The following NOL7 variants were observed in gnomAD, a reference collection of about 807,000 sequenced individuals.
The protein encoded by NOL7 is nucleolar protein 7.
In NOL7, 36 loss-of-function variants were observed where a neutral mutation model predicts 38.4. The observed-to-expected ratio is 0.94, with a 90% confidence interval of 0.72 to 1.24. NOL7 has a LOEUF of 1.24. Among genes scored for constraint, NOL7 ranks in the 50% most tolerant of loss-of-function variants. The pLI is 0.00. For missense variants in NOL7, 350 were observed against 315.1 expected (o/e 1.11, Z -0.84); for synonymous variants, 142 against 126.5 (o/e 1.12, Z -0.82).
rs1291620022 is a variant in NOL7 at position 13,620,189 on chromosome 6, C to G, written c.501-19C>G. The G allele has an allele frequency of 6.3e-7, 1 of 1,597,404 alleles. No individual in the cohort carries two copies. Among genetic ancestry groups the G allele is most frequent in the Non-Finnish European group, 8.5e-7 (1 of 1,175,566 alleles). ...TAAGCATGTGTAATTCTTATTTAAC[C>G]TTTTATATTGATCAACAGCCAGAAT... On this transcript the variant is annotated intron_variant, in intron 5 of 7. Coordinates refer to ENST00000451315, the MANE Select transcript of NOL7 (RefSeq NM_016167.5).
chr6:13,624,654 A>C (rs139358486), downstream of NOL7, among the ~76,000 whole-genome samples: 1 of 152,238 alleles, frequency 6.6e-6, no homozygotes, highest in African/African-American at 2.4e-5. Flanking sequence ...TCAGTATATA[A>C]ATACTATAAT....
At chr6:13,622,088 G>C, downstream of NOL7, 1 of 212,740 alleles carries the variant, frequency 4.7e-6, no homozygotes, top group Non-Finnish European at 9.0e-6. Flanking sequence ...TTAGGTAATT[G>C]TTTTAAAGGA....
Position 13,620,669 on chromosome 6 carries a change from AG to A in NOL7, c.701-84del, listed in dbSNP as rs1764418893. 3.0e-6 allele frequency: 3 copies of A among 1,004,848 alleles called. No individual in the cohort carries two copies. In the Admixed American group the frequency reaches 7.9e-5, roughly 27 times the overall value. The allele number at this position is 1,004,848 out of a possible 1,614,324, so 62.2% of individuals were successfully genotyped here. On this transcript the variant is annotated intron_variant, in intron 7 of 7. Transcript: ENST00000451315. ...AAGTATAATAAGCCCACCCAGTTTT[AG>A]TAATTACATTCATATAGAGTAATTA...
At chr6:13,625,903 C>T, downstream of NOL7, 1 of 553,522 alleles carries the variant, frequency 1.8e-6, no homozygotes, top group South Asian at 2.2e-5. Context: ...ACTCCCAGCA[C>T]TGGGACGCTC....
At chr6:13,628,596 C>T (rs1344264087) in intron 8 of NOL7, among the ~76,000 whole-genome samples, 1 of 152,164 alleles carries the variant, frequency 6.6e-6, no homozygotes, top group African/African-American at 2.4e-5. Flanking sequence ...TAGAGTGAAG[C>T]TGTAAGCAAC....
intron 3 of NOL7, 128 bp downstream of exon 3, chr6:13,616,649 TATGAATTTG>T (rs1764298133): frequency 1.6e-6 from 1 of 623,504 alleles, no homozygotes. Flanking sequence ...TACCTTGGTA[TATGAATTTG>T]ATGGGAAAGA....
downstream of NOL7, chr6:13,622,261 A>G (rs1031383687): frequency 3.3e-6 from 4 of 1,228,566 alleles, no homozygotes; most frequent in African/African-American, 6.2e-5. Flanking sequence ...ACCTGTCCCC[A>G]GTACATAATT....
Position 13,620,441 on chromosome 6 carries a change from T to C in NOL7, c.656T>C (p.Leu219Ser), listed in dbSNP as rs1222935841. The change falls in exon 7 of 8, where the codon TTA becomes TCA. Residue 219 changes from leucine (L) to serine (S), a missense_variant. By Grantham distance (145) the Leu-to-Ser change is moderately radical (BLOSUM62 -2). Transcript: ENST00000451315. ...TTCCTGTCTCTTGCCAACAAGAGGT[T>C]ACCAGTGAAAAGAGCTGCTGTCCAG... ...NKFLSLANKR[L>S]PVKRAAVQFL... 1 of 1,614,160 alleles carries C rather than the reference T, an allele frequency of 6.2e-7. No individual in the cohort carries two copies. The highest frequency in any genetic ancestry group is 2.2e-5 in the East Asian group (1 of 44,868).
At chr6:13,631,002 G>A (rs879890579) in intron 8 of NOL7, among the ~76,000 whole-genome samples, 6 of 151,986 alleles carry the variant, frequency 3.9e-5, no homozygotes, top group Non-Finnish European at 7.4e-5. Context: ...GTAGAGACGG[G>A]GTTTCACCGT....
chr6:13,622,515 T>C (rs1240138984), downstream of NOL7: 1 of 1,543,226 alleles, frequency 6.5e-7, no homozygotes, highest in East Asian at 2.3e-5. Flanking sequence ...AATTTAAAAA[T>C]GAGAACAGCA....
chr6:13,625,573 G>GT (rs1231379429), downstream of NOL7: 5 of 875,402 alleles, frequency 5.7e-6, no homozygotes, highest in Admixed American at 8.2e-5. Context: ...TTTTACCAAA[G>GT]TGTAAATGCC....
chr6:13,631,536 C>G (rs1764781210), intron 8 of NOL7, among the ~76,000 whole-genome samples: 1 of 152,190 alleles, frequency 6.6e-6, no homozygotes, highest in Non-Finnish European at 1.5e-5. Context: ...GATACTCAAC[C>G]TGTACTAACT....
chr6:13,622,243 C>T (rs1036227158), downstream of NOL7: 17 of 1,073,634 alleles, frequency 1.6e-5, no homozygotes, highest in Admixed American at 1.3e-4. Context: ...CAATGTAAAG[C>T]GACAAAAACC....
chr6:13,630,258 G>A (rs554789064), intron 8 of NOL7, among the ~76,000 whole-genome samples: 1 of 152,118 alleles, frequency 6.6e-6, no homozygotes, highest in East Asian at 1.9e-4. Flanking sequence ...AGTTAGAGGT[G>A]CAAAATCAAA....
intron 8 of NOL7, among the ~76,000 whole-genome samples, chr6:13,627,699 C>T (rs1764654855): frequency 6.6e-6 from 1 of 150,406 alleles, no homozygotes; most frequent in Non-Finnish European, 1.5e-5. Context: ...ACTTAATTTA[C>T]CCCACAACCA....
chr6:13,621,951 G>T (rs919982405), downstream of NOL7: 1 of 154,028 alleles, frequency 6.5e-6, no homozygotes, highest in Non-Finnish European at 1.4e-5. Context: ...TTATATGGGA[G>T]TGGGGGTCGG....
intron 8 of NOL7, among the ~76,000 whole-genome samples, chr6:13,627,910 C>G (rs1047294092): frequency 2.0e-5 from 3 of 152,018 alleles, no homozygotes; most frequent in Non-Finnish European, 4.4e-5. Flanking sequence ...AGCAAACCAC[C>G]ATGGCACACG....
intron 4 of NOL7, 31 bp downstream of exon 4, chr6:13,617,832 A>T: frequency 1.3e-6 from 2 of 1,595,992 alleles, no homozygotes; most frequent in Non-Finnish European, 1.7e-6. Flanking sequence ...CTAACTTCTC[A>T]TGTAAGTGTC....
In NOL7 at chr6:13,615,757, G is replaced by C; in HGVS notation, c.312G>C (p.Leu104=). The C allele has an allele frequency of 7.4e-6, 12 of 1,613,652 alleles. No homozygotes were observed. Among genetic ancestry groups the C allele is most frequent in the Non-Finnish European group, 1.0e-5 (12 of 1,179,820 alleles). ...AGAAGAGGAAGCGACGCGAGGAGCT[G>C]TTCATCGAACAGAAGGTTAGAGGCT... ...LKEKRKRREE[L]FIEQKKRKLL... is the part of the protein sequence containing the mutation. Residue 104 remains leucine (L), a synonymous_variant, in exon 2 of 8, where the codon CTG becomes CTC. Transcript: ENST00000451315.
Sources: allele counts gnomAD v4.1 joint callset (sites outside exome capture counted in the v4.1 genomes callset), GRCh38; gene constraint gnomAD v4.1.1; transcripts MANE v1.5; gene names NCBI Gene and HGNC (gene_info 2026-07-23, HGNC 2026-07-21).